The following CPNE2 variants were observed in gnomAD, a reference collection of about 807,000 sequenced individuals.
CPNE2 encodes copine 2, also known as copine-2.
CPNE2 carries 42 observed loss-of-function variants against 69.7 expected under a neutral mutation model. The ratio of observed to expected loss-of-function variants is 0.60; its 90% confidence interval spans 0.47 to 0.78. CPNE2 has a LOEUF of 0.78. CPNE2 is among the 30% of genes least tolerant of loss of function. The pLI is 0.00. For synonymous variants in CPNE2, 294 were observed against 289.8 expected (o/e 1.01, Z -0.15); for missense variants, 587 against 732.0 (o/e 0.80, Z 2.29).
intron 12 of CPNE2, 97 bp from the exon 13 acceptor site, chr16:57,134,678 G>A: frequency 7.6e-7 from 1 of 1,318,774 alleles, no homozygotes. Flanking sequence ...TTATGAGCCG[G>A]TGCTCTCAAA....
At chr16:57,117,694 G>A in intron 5 of CPNE2, 127 bp downstream of exon 5, 2 of 964,528 alleles carry the variant, frequency 2.1e-6, no homozygotes, top group Non-Finnish European at 3.2e-6. Flanking sequence ...TCCAGCACGG[G>A]GCCCTCCTGG....
chr16:57,103,868 C>A (rs1324814592), intron 1 of CPNE2, among the ~76,000 whole-genome samples: 1 of 152,196 alleles, frequency 6.6e-6, no homozygotes, highest in African/African-American at 2.4e-5. Flanking sequence ...AAGTGCTTTA[C>A]CTCACTGAAT....
intron 3 of CPNE2, among the ~76,000 whole-genome samples, chr16:57,114,097 G>T (rs1489942360): frequency 6.6e-6 from 1 of 152,220 alleles, no homozygotes; most frequent in Non-Finnish European, 1.5e-5. Flanking sequence ...AAATGCCCGG[G>T]GCCTTCCAGG....
At chr16:57,104,600 A>G (rs1409565140) in intron 1 of CPNE2, among the ~76,000 whole-genome samples, 1 of 152,216 alleles carries the variant, frequency 6.6e-6, no homozygotes, top group Admixed American at 6.5e-5. Context: ...GTGCTCACAT[A>G]TGCAGATACG....
intron 12 of CPNE2, 62 bp from the exon 13 acceptor site, chr16:57,134,713 G>GGT: frequency 6.3e-7 from 1 of 1,589,608 alleles, no homozygotes; most frequent in Non-Finnish European, 8.6e-7. Flanking sequence ...GGCAGTGGGT[G>GGT]GTGGCCTGGG....
At chr16:57,134,687 A>C in intron 12 of CPNE2, 88 bp from the exon 13 acceptor site, 1 of 1,451,840 alleles carries the variant, frequency 6.9e-7, no homozygotes, top group Non-Finnish European at 9.6e-7. Flanking sequence ...GGTGCTCTCA[A>C]AGGGAGCCTT....
At chr16:57,120,435 G>A (rs1399331197) in intron 7 of CPNE2, among the ~76,000 whole-genome samples, 5 of 105,642 alleles carry the variant, frequency 4.7e-5, no homozygotes, top group East Asian at 3.1e-4. Context: ...AGTAGAGACC[G>A]TCTCAAAAAA....
Position 57,119,575 on chromosome 16 carries a change from A to C in CPNE2, c.606A>C (p.Thr202=), listed in dbSNP as rs778470273. The C allele has an allele frequency of 6.8e-6, 11 of 1,612,688 alleles. No homozygotes were observed. The highest frequency in any genetic ancestry group is 9.3e-6 in the Non-Finnish European group (11 of 1,179,494). ...LVHRTEVIKY[T]LDPVWKPFTV... ...CTGTCCCACAGGTGATCAAGTACAC[A>C]CTGGACCCTGTGTGGAAGCCATTCA... Residue 202 remains threonine (T), a synonymous_variant, in exon 7 of 16, where the codon ACA becomes ACC. Coordinates refer to ENST00000290776, the MANE Select transcript of CPNE2 (RefSeq NM_152727.6).
chr16:57,093,593 G>T (rs1158119363), intron 1 of CPNE2, among the ~76,000 whole-genome samples: 6 of 152,096 alleles, frequency 3.9e-5, no homozygotes, highest in Non-Finnish European at 7.4e-5. Flanking sequence ...GCTGTGATTT[G>T]CCCAAGGTCA....
chr16:57,138,946 C>T lies in CPNE2; in HGVS notation c.1302+1664C>T, dbSNP rs59753061. ...CACCAGGGAGGTGGCAGTTGACTTC[C>T]GGGAGGTGGTGGGAAAGATAGTGCA... On this transcript the variant is annotated intron_variant, in intron 14 of 15. Coordinates refer to ENST00000290776, the MANE Select transcript of CPNE2 (RefSeq NM_152727.6). 5.8e-3 allele frequency among the ~76,000 whole-genome samples: 886 copies of T among 152,270 alleles called. 10 individuals carry two copies. Among genetic ancestry groups the T allele is most frequent in the African/African-American group, 0.021 (860 of 41,546 alleles).
intron 1 of CPNE2, among the ~76,000 whole-genome samples, chr16:57,100,066 C>T (rs112196933): frequency 1.3e-5 from 2 of 152,112 alleles, no homozygotes; most frequent in African/African-American, 4.8e-5. Flanking sequence ...AGCCACCATG[C>T]CCTGCCTAGT....
At chr16:57,119,144 G>T in intron 5 of CPNE2, 51 bp from the exon 6 acceptor site, 1 of 1,543,980 alleles carries the variant, frequency 6.5e-7, no homozygotes, top group South Asian at 1.1e-5. Flanking sequence ...CCATCTGCCT[G>T]AACCTAGCAG....
intron 1 of CPNE2, among the ~76,000 whole-genome samples, chr16:57,099,508 C>T (rs571753804): frequency 4.6e-5 from 7 of 151,226 alleles, no homozygotes; most frequent in Non-Finnish European, 7.4e-5. Flanking sequence ...CCTCTGGCAA[C>T]CTGTGTGTGT....
chr16:57,120,286 A>AAG lies in CPNE2; in HGVS notation c.681+636_681+637insAG, dbSNP rs1555546560. Among the ~76,000 whole-genome samples the AAG allele has an allele frequency of 6.8e-5, 10 of 146,654 alleles. No individual in the cohort carries two copies. In the East Asian group the frequency reaches 1.4e-3, roughly 21 times the overall value. On this transcript the variant is annotated intron_variant, in intron 7 of 15. Coordinates refer to ENST00000290776, the MANE Select transcript of CPNE2 (RefSeq NM_152727.6). ...ATTCTGTCTCAAAAAAAAAAAAAAA[A>AAG]GTTATAGGCCGGGCGCGGTGGCTCA...
At chr16:57,140,865 G>A (rs923810571) in intron 14 of CPNE2, 9 of 128,376 alleles carry the variant, frequency 7.0e-5, no homozygotes, top group Admixed American at 9.7e-5. Context: ...GCACCCGGCC[G>A]GGATTTTTTT....
At position 57,119,643 on chromosome 16, in the gene CPNE2, C is replaced by A; in HGVS notation, c.674C>A (p.Pro225His). ...CTGTGTGATGGGGACATGGAGAAGC[C>A]CATCCAGGTGAGGGGGCTCTGGGGA... Reference protein sequence around the residue: ...VSLCDGDMEKPIQVMCYDYDN... With the variant: ...VSLCDGDMEKHIQVMCYDYDN... Residue 225 changes from proline to histidine, a missense_variant, in exon 7 of 16, where the codon CCC becomes CAC. Transcript: ENST00000290776. 1.2e-6 allele frequency: 2 copies of A among 1,608,304 alleles called. No homozygotes were observed. The highest frequency in any genetic ancestry group is 1.7e-6 in the Non-Finnish European group (2 of 1,177,566).
intron 1 of CPNE2, among the ~76,000 whole-genome samples, chr16:57,105,475 G>A (rs1339235711): frequency 2.7e-5 from 4 of 148,102 alleles, no homozygotes; most frequent in African/African-American, 1.0e-4. Flanking sequence ...TTGCTCTATC[G>A]CCCAGGTTGG....
At chr16:57,109,180 A>G (rs1486141479) in intron 1 of CPNE2, among the ~76,000 whole-genome samples, 4 of 152,190 alleles carry the variant, frequency 2.6e-5, no homozygotes, top group Non-Finnish European at 5.9e-5. Context: ...ATTTATTAAG[A>G]AAGTAAAGGA....
At chr16:57,116,301 A>T (rs2069718831) in intron 4 of CPNE2, among the ~76,000 whole-genome samples, 2 of 151,864 alleles carry the variant, frequency 1.3e-5, no homozygotes, top group African/African-American at 2.4e-5. Flanking sequence ...CATATCCTGA[A>T]CATACCTCAG....
Sources: allele counts gnomAD v4.1 joint callset (sites outside exome capture counted in the v4.1 genomes callset), GRCh38; gene constraint gnomAD v4.1.1; transcripts MANE v1.5; gene names NCBI Gene and HGNC (gene_info 2026-07-23, HGNC 2026-07-21).